The following HTR7 variants were observed in gnomAD, a reference collection of about 807,000 sequenced individuals.
The protein encoded by HTR7 is 5-hydroxytryptamine receptor 7, also known as 5-HT-7.
HTR7 carries 16 observed loss-of-function variants against 34.0 expected under a neutral mutation model. That is an observed-to-expected ratio of 0.47 (90% confidence interval 0.32 to 0.71). The LOEUF is 0.71. HTR7 is among the 30% of genes least tolerant of loss of function. The probability of loss-of-function intolerance (pLI) is 0.04; values close to 1 mark genes in which losing one functional copy is unlikely to be tolerated. For missense variants in HTR7, 504 were observed against 625.5 expected (o/e 0.81, Z 2.07); for synonymous variants, 265 against 260.2 (o/e 1.02, Z -0.18).
intron 1 of HTR7, among the ~76,000 whole-genome samples, chr10:90,828,826 A>G (rs142087224): frequency 2.0e-3 from 306 of 152,262 alleles, no homozygotes; most frequent in Non-Finnish European, 3.5e-3. Flanking sequence ...AACTCATTTT[A>G]TGAGGACAGT....
At chr10:90,763,801 T>C (rs1844976072) in intron 1 of HTR7, among the ~76,000 whole-genome samples, 1 of 152,230 alleles carries the variant, frequency 6.6e-6, no homozygotes, top group Non-Finnish European at 1.5e-5. Context: ...GATCTCATTC[T>C]TTTTTATGGC....
At chr10:90,847,916 TA>T (rs1055859135) in intron 1 of HTR7, among the ~76,000 whole-genome samples, 7 of 152,278 alleles carry the variant, frequency 4.6e-5, no homozygotes, top group Admixed American at 4.6e-4. Flanking sequence ...GGAAAGTGCC[TA>T]AAATATACAT....
At position 90,741,193 on chromosome 10, in the gene HTR7, A is replaced by C. The variant is rs1029757670; in HGVS notation, c.*1289T>G. The C allele has an allele frequency of 6.6e-6, 1 of 152,612 alleles. No homozygotes were observed. 9.5% of individuals were successfully genotyped at this position (152,612 alleles called of 1,614,324 possible). On this transcript the variant is annotated 3_prime_UTR_variant, in exon 4 of 4. Coordinates refer to ENST00000336152, the MANE Select transcript of HTR7 (RefSeq NM_019859.4). ...CTTTCAGTTCACTCTTATCAAATAA[A>C]GAATTGCATTCATTTTTCCCCTTGT...
chr10:90,786,771 A>G (rs1302332065), intron 1 of HTR7, among the ~76,000 whole-genome samples: 1 of 152,078 alleles, frequency 6.6e-6, no homozygotes, highest in East Asian at 1.9e-4. Context: ...ATGTTTGTTC[A>G]ATGTAGAGAG....
intron 1 of HTR7, among the ~76,000 whole-genome samples, chr10:90,803,479 A>T (rs898184144): frequency 6.6e-6 from 1 of 152,074 alleles, no homozygotes; most frequent in African/African-American, 2.4e-5. Context: ...CTTAAACTCC[A>T]CTATTTGCCA....
chr10:90,778,535 C>T (rs1345303053), intron 1 of HTR7, among the ~76,000 whole-genome samples: 1 of 152,172 alleles, frequency 6.6e-6, no homozygotes, highest in East Asian at 1.9e-4. Context: ...TAATACATTC[C>T]TTTTCCTCAT....
chr10:90,783,392 T>A (rs1041478831), intron 1 of HTR7, among the ~76,000 whole-genome samples: 1 of 152,182 alleles, frequency 6.6e-6, no homozygotes, highest in Non-Finnish European at 1.5e-5. Context: ...AAGCCCTGTG[T>A]TTATTTCCTG....
intron 1 of HTR7, among the ~76,000 whole-genome samples, chr10:90,821,155 AG>A (rs1188288501): frequency 1.1e-5 from 1 of 93,316 alleles, no homozygotes; most frequent in Non-Finnish European, 2.1e-5. Flanking sequence ...CACACACACA[AG>A]CACCTTCATA....
intron 1 of HTR7, among the ~76,000 whole-genome samples, chr10:90,831,198 CTGA>C: frequency 6.6e-6 from 1 of 152,342 alleles, no homozygotes; most frequent in East Asian, 1.9e-4. Flanking sequence ...CTTGGTCTCA[CTGA>C]CTTCAAGAAT....
At chr10:90,801,387 A>G (rs1450796558) in intron 1 of HTR7, among the ~76,000 whole-genome samples, 1 of 152,218 alleles carries the variant, frequency 6.6e-6, no homozygotes, top group Non-Finnish European at 1.5e-5. Context: ...AGTTGCAGAA[A>G]GTCAAGCTCC....
intron 1 of HTR7, among the ~76,000 whole-genome samples, chr10:90,782,589 CTAGATTCTTCCAGA>C (rs1228338405): frequency 6.6e-6 from 1 of 152,046 alleles, no homozygotes; most frequent in Non-Finnish European, 1.5e-5. Flanking sequence ...ATGAGATCAC[CTAGATTCTTCCAGA>C]GGAAAGGCAT....
intron 1 of HTR7, among the ~76,000 whole-genome samples, chr10:90,815,535 A>C (rs990539651): frequency 1.3e-5 from 2 of 152,190 alleles, no homozygotes; most frequent in Non-Finnish European, 2.9e-5. Flanking sequence ...TTAAATGGAC[A>C]TGTGCGGGCA....
intron 1 of HTR7, among the ~76,000 whole-genome samples, chr10:90,808,173 C>T (rs1486636389): frequency 2.0e-5 from 3 of 152,158 alleles, no homozygotes; most frequent in Admixed American, 2.0e-4. Flanking sequence ...GGTCCTTCAC[C>T]CTTAGCGGCA....
At chr10:90,751,115 T>G (rs1844726223) in intron 1 of HTR7, among the ~76,000 whole-genome samples, 1 of 152,174 alleles carries the variant, frequency 6.6e-6, no homozygotes, top group Non-Finnish European at 1.5e-5. Context: ...CCTCCCCTTT[T>G]CCTTAATAAA....
chr10:90,857,043 G>A lies in HTR7; in HGVS notation c.539+90C>T, dbSNP rs957829329. ...GCCCTTCATCCCGCCTTGAAGTCTA[G>A]CTTGATCCTCCCAGGAAAGGCGAGC... is the stretch of plus-strand genomic sequence containing the variant. On this transcript the variant is annotated intron_variant, in intron 1 of 3. Coordinates refer to ENST00000336152, the MANE Select transcript of HTR7 (RefSeq NM_019859.4). This position sits in a 1 kb window ranked among gnomAD's most constrained non-coding sequence, Gnocchi z 6.5. 2.4e-6 allele frequency: 3 copies of A among 1,239,810 alleles called. No individual in the cohort carries two copies. Among genetic ancestry groups the A allele is most frequent in the Non-Finnish European group, 3.3e-6 (3 of 902,938 alleles). 76.8% of individuals were successfully genotyped at this position (1,239,810 alleles called of 1,614,324 possible).
chr10:90,762,260 T>C lies in HTR7; in HGVS notation c.540-12666A>G, dbSNP rs1844951088. On this transcript the variant is annotated intron_variant, in intron 1 of 3. Coordinates refer to ENST00000336152, the MANE Select transcript of HTR7 (RefSeq NM_019859.4). ...ACTTACATTCTCACCAACAAGTGCATAGGGGTTCCCTTTTCTCAGCATCCT... is the reference window on the plus strand; with the variant it reads ...ACTTACATTCTCACCAACAAGTGCACAGGGGTTCCCTTTTCTCAGCATCCT... 2.0e-5 allele frequency among the ~76,000 whole-genome samples: 3 copies of C among 152,250 alleles called. No individual in the cohort carries two copies. In the South Asian group the frequency reaches 6.2e-4, roughly 31 times the overall value.
At position 90,857,298 on chromosome 10, in the gene HTR7, A is replaced by T; in HGVS notation, c.374T>A (p.Leu125Gln). ...PSNYLIVSLA[L>Q]ADLSVAVAVM... ...CGCCACAGCCACCGAGAGGTCGGCCAGCGCCAGGGACACGATCAGGTAGTT... is the reference window on the plus strand; with the variant it reads ...CGCCACAGCCACCGAGAGGTCGGCCTGCGCCAGGGACACGATCAGGTAGTT... The change falls in exon 1 of 4, where the codon CTG becomes CAG. Residue 125 changes from leucine (L) to glutamine (Q), a missense_variant. Physicochemically the swap from Leu to Gln is moderately radical, Grantham distance 113 (BLOSUM62 -2). Transcript: ENST00000336152. This position sits in a 1 kb window ranked among gnomAD's most constrained non-coding sequence, Gnocchi z 6.5. The T allele has an allele frequency of 6.2e-7, 1 of 1,614,016 alleles. No homozygotes were observed. The highest frequency in any genetic ancestry group is 8.5e-7 in the Non-Finnish European group (1 of 1,180,006).
In HTR7 at chr10:90,743,687, C is replaced by A; in HGVS notation, c.1299G>T (p.Arg433Ser). Residue 433 changes from arginine to serine, a missense_variant, in exon 3 of 4, where the codon AGG (arginine) becomes AGT (serine). Around this residue, in one of 4 missense-constraint regions of HTR7, gnomAD observed 154 missense variants for 212.1 expected, o/e 0.73. Coordinates refer to ENST00000336152, the MANE Select transcript of HTR7 (RefSeq NM_019859.4). ...TCAACAGCACCCTCCTTGTGCAGGC[C>A]CTCCTGCAATTTATGGCAATTCAAA... is the stretch of plus-strand genomic sequence containing the variant. ...ERPERPEFVL[R>S]ACTRRVLLRP... The A allele has an allele frequency of 6.2e-7, 1 of 1,610,242 alleles. No individual in the cohort carries two copies. The highest frequency in any genetic ancestry group is 1.1e-5 in the South Asian group (1 of 90,994).
Position 90,749,375 on chromosome 10 carries a change from G to A in HTR7, c.759C>T (p.Ser253=), listed in dbSNP as rs1289003733. The A allele has an allele frequency of 5.0e-6, 8 of 1,614,020 alleles. No homozygotes were observed. Among genetic ancestry groups the A allele is most frequent in the Middle Eastern group, 1.6e-4 (1 of 6,084 alleles). The change falls in exon 2 of 4, where the codon TCC becomes TCT. Residue 253 remains serine, a synonymous_variant. Coordinates refer to ENST00000336152, the MANE Select transcript of HTR7 (RefSeq NM_019859.4). The surrounding 1 kb of genome is among the most constrained non-coding windows in gnomAD (Gnocchi z 4.2). The stretch of plus-strand genomic sequence containing the variant: ...TCTGGTAGTACATGAAAAGCATGAC[G>A]GACATGGGGATATAAAATGCCACTG... ...STAVAFYIPM[S]VMLFMYYQIY...
Sources: gnomAD v4.1 joint callset for allele counts (sites outside exome capture counted in the v4.1 genomes callset) on GRCh38, gnomAD v4.1.1 for gene constraint, gnomAD v4.1.1 regional missense constraint, Gnocchi (gnomAD v3.1) non-coding constraint, MANE v1.5 for transcripts, NCBI Gene and HGNC (gene_info 2026-07-23, HGNC 2026-07-21) for gene names.